Variants in CTNNA2 observed in about 807,000 individuals in gnomAD.
CTNNA2 encodes catenin alpha 2, also known as catenin alpha-2.
CTNNA2 carries 42 observed loss-of-function variants against 101.0 expected under a neutral mutation model. The ratio of observed to expected loss-of-function variants is 0.42; its 90% CI spans 0.32 to 0.54. CTNNA2 has a LOEUF of 0.54. CTNNA2 is among the 20% of genes least tolerant of loss of function. The probability of loss-of-function intolerance (pLI) is 0.14; values close to 1 mark genes in which losing one functional copy is unlikely to be tolerated. For missense variants in CTNNA2, 871 were observed against 1,223.1 expected (o/e 0.71, Z 4.29); for synonymous variants, 450 against 456.4 (o/e 0.99, Z 0.18).
chr2:80,234,314 C>T (rs895119879), intron 7 of CTNNA2, among the ~76,000 whole-genome samples: 4 of 152,124 alleles, frequency 2.6e-5, no homozygotes, highest in African/African-American at 9.7e-5. Context: ...TTACAGGTCT[C>T]ACTATACTTT....
intron 7 of CTNNA2, among the ~76,000 whole-genome samples, chr2:80,239,540 T>C (rs1475224001): frequency 6.6e-6 from 1 of 152,202 alleles, no homozygotes; most frequent in Non-Finnish European, 1.5e-5. Flanking sequence ...CACTATTTTT[T>C]TCTATACATA....
intron 9 of CTNNA2, among the ~76,000 whole-genome samples, chr2:80,463,338 T>A (rs1223603473): frequency 6.6e-6 from 1 of 152,186 alleles, no homozygotes; most frequent in Non-Finnish European, 1.5e-5. Context: ...TAACTTCCTT[T>A]GTTCATTAAG....
chr2:79,650,183 G>A (rs868130022), intron 1 of CTNNA2, among the ~76,000 whole-genome samples: 1 of 134,190 alleles, frequency 7.5e-6, no homozygotes, highest in Admixed American at 7.5e-5. Flanking sequence ...CGGGGGGGGG[G>A]GGGGAGGGGC....
At chr2:80,487,608 A>G (rs1686696557) in intron 9 of CTNNA2, among the ~76,000 whole-genome samples, 2 of 152,168 alleles carry the variant, frequency 1.3e-5, no homozygotes, top group African/African-American at 4.8e-5. Flanking sequence ...CCATGATTCA[A>G]TTACCTCCCA....
intron 7 of CTNNA2, among the ~76,000 whole-genome samples, chr2:80,215,712 G>A (rs1052203763): frequency 6.6e-6 from 1 of 152,182 alleles, no homozygotes. Flanking sequence ...AAGGGTCAGG[G>A]ACCCACTTGA....
chr2:79,997,391 GGGAAA>G (rs372732693), intron 7 of CTNNA2, among the ~76,000 whole-genome samples: 75 of 151,554 alleles, frequency 4.9e-4, no homozygotes, highest in African/African-American at 1.6e-3. Flanking sequence ...AGAAAAAGAA[GGGAAA>G]GGAAAGGAAA....
chr2:79,251,821 G>A (rs549257186), intron 2 of CTNNA2, among the ~76,000 whole-genome samples: 1 of 152,310 alleles, frequency 6.6e-6, no homozygotes, highest in Admixed American at 6.5e-5. Flanking sequence ...CCTAAGCCAT[G>A]ACCTGCTTTC....
Position 79,261,660 on chromosome 2 carries a change from T to A in CTNNA2, c.-405-51049T>A, listed in dbSNP as rs145425120. The stretch of plus-strand genomic sequence containing the variant: ...GGCAAGGAGCTCTGGTGTGTCTTCC[T>A]ATTCTTATAGGACACCAGATCTTTT... On this transcript the variant is annotated intron_variant, in intron 2 of 21. Transcript: ENST00000466387. Among the ~76,000 whole-genome samples, 163 of 152,362 alleles carry A rather than the reference T, an allele frequency of 1.1e-3. 1 individual carries two copies. Among genetic ancestry groups the A allele is most frequent in the Admixed American group, 1.9e-3 (29 of 15,308 alleles).
chr2:79,939,929 C>T (rs1043871580), intron 7 of CTNNA2, among the ~76,000 whole-genome samples: 1 of 152,064 alleles, frequency 6.6e-6, no homozygotes, highest in African/African-American at 2.4e-5. Context: ...CCCGTCTCTA[C>T]TAAAAATACA....
At chr2:79,304,082 A>C (rs2104393013) in intron 2 of CTNNA2, among the ~76,000 whole-genome samples, 1 of 152,164 alleles carries the variant, frequency 6.6e-6, no homozygotes, top group Non-Finnish European at 1.5e-5. Flanking sequence ...GGGGCAGGTC[A>C]AGTAGCATGT....
At chr2:80,339,910 G>A (rs1672082227) in intron 7 of CTNNA2, among the ~76,000 whole-genome samples, 1 of 152,118 alleles carries the variant, frequency 6.6e-6, no homozygotes, top group Admixed American at 6.6e-5. Context: ...TGTCTTTGGG[G>A]AGTTCATTTC....
chr2:79,800,214 G>C (rs114316827), intron 3 of CTNNA2, among the ~76,000 whole-genome samples: 1 of 152,010 alleles, frequency 6.6e-6, no homozygotes, highest in Non-Finnish European at 1.5e-5. Flanking sequence ...GAGATTTTAC[G>C]GTAGTTTGGA....
At chr2:80,076,405 A>G (rs561479411) in intron 7 of CTNNA2, among the ~76,000 whole-genome samples, 2 of 151,586 alleles carry the variant, frequency 1.3e-5, no homozygotes, top group South Asian at 2.1e-4. Context: ...CAGCCTCCCT[A>G]GTAGCTGGGA....
chr2:80,162,949 GA>G, intron 7 of CTNNA2: 1 of 1,539,132 alleles, frequency 6.5e-7, no homozygotes, highest in South Asian at 1.1e-5. Context: ...TGATATTGGG[GA>G]TATGGCAAAC....
chr2:79,580,882 C>T (rs78733312), intron 1 of CTNNA2, among the ~76,000 whole-genome samples: 2,754 of 152,180 alleles, frequency 0.018, 41 homozygotes, highest in Non-Finnish European at 0.027. Flanking sequence ...AATCAGAAAC[C>T]TCAATTCAAG....
At chr2:80,180,242 G>A (rs989535310) in intron 7 of CTNNA2, among the ~76,000 whole-genome samples, 2 of 152,158 alleles carry the variant, frequency 1.3e-5, no homozygotes, top group African/African-American at 4.8e-5. Flanking sequence ...CATTCAAGGG[G>A]TTCTGGGTTT....
chr2:79,914,133 C>T (rs1003476891), intron 7 of CTNNA2, among the ~76,000 whole-genome samples: 4 of 139,674 alleles, frequency 2.9e-5, no homozygotes, highest in African/African-American at 1.1e-4. Flanking sequence ...CGCCACTGCA[C>T]TCCAGCCTGG....
intron 7 of CTNNA2, among the ~76,000 whole-genome samples, chr2:80,372,829 T>TC (rs1019255062): frequency 5.3e-5 from 8 of 151,974 alleles, no homozygotes; most frequent in East Asian, 1.9e-4. Flanking sequence ...AAAATTTTGC[T>TC]CCCCCCTTCC....
intron 4 of CTNNA2, among the ~76,000 whole-genome samples, chr2:79,488,620 G>T (rs184638002): frequency 6.6e-6 from 1 of 152,182 alleles, no homozygotes; most frequent in Admixed American, 6.5e-5. Context: ...GTTCATCTGT[G>T]ACATTGACTT....
Sources: gnomAD v4.1 joint callset for allele counts (sites outside exome capture counted in the v4.1 genomes callset) on GRCh38, gnomAD v4.1.1 for gene constraint, MANE v1.5 for transcripts, NCBI Gene and HGNC (gene_info 2026-07-23, HGNC 2026-07-21) for gene names.